Variants in DPP4 observed in about 807,000 individuals in gnomAD.
DPP4 encodes ADCP-2.
In DPP4, 93 loss-of-function variants were observed where a neutral mutation model predicts 122.4. That is an observed-to-expected ratio of 0.76 (90% CI 0.64 to 0.90). DPP4 has a LOEUF of 0.90. DPP4 is among the 40% of genes least tolerant of loss of function. The pLI, the probability that DPP4 is intolerant of heterozygous loss-of-function variation, is 0.00. For synonymous variants in DPP4, 321 were observed against 302.9 expected (o/e 1.06, Z -0.62); for missense variants, 914 against 907.3 (o/e 1.01, Z -0.09).
rs757432638 is a variant in DPP4 at position 162,014,428 on chromosome 2, A to G, written c.1605T>C (p.Asp535=). The G allele has an allele frequency of 1.9e-6, 3 of 1,609,000 alleles. No homozygotes were observed. Among genetic ancestry groups the G allele is most frequent in the African/African-American group, 2.7e-5 (2 of 74,740 alleles). The change falls in exon 19 of 26, where the codon GAT becomes GAC. Residue 535 remains aspartate, a synonymous_variant. Transcript: ENST00000360534. ...ATAGTAGAGGATATTTCTTGGATTTATCAAAATGAGGAGGCAAGATCATCT... is the reference window on the plus strand; with the variant it reads ...ATAGTAGAGGATATTTCTTGGATTTGTCAAAATGAGGAGGCAAGATCATCT... The part of the protein sequence containing the change: ...WYQMILPPHF[D]KSKKYPLLLD...
intron 2 of DPP4, among the ~76,000 whole-genome samples, chr2:162,057,693 T>C (rs1320104030): frequency 6.6e-6 from 1 of 152,222 alleles, no homozygotes; most frequent in Non-Finnish European, 1.5e-5. Context: ...TTACACTTTC[T>C]CAGTTACCTC....
In DPP4 at chr2:162,011,981, T is replaced by C; in HGVS notation, c.1644A>G (p.Ala548=). 6.2e-7 allele frequency: 1 copy of C among 1,610,722 alleles called. No homozygotes were observed. The highest frequency in any genetic ancestry group is 8.5e-7 in the Non-Finnish European group (1 of 1,178,212). The change falls in exon 20 of 26, where the codon GCA becomes GCG. Residue 548 remains alanine (A), a synonymous_variant. Transcript: ENST00000360534. ...TGTCTGCTTTTTGACTACATGGGCC[T>C]GCATACCTATGAAAAATACCAAATT... ...KKYPLLLDVY[A]GPCSQKADTV... is the part of the protein sequence containing the mutation.
chr2:162,046,980 T>C lies in DPP4; in HGVS notation c.220A>G (p.Asn74Asp). 1 of 1,596,392 alleles carries C rather than the reference T, an allele frequency of 6.3e-7. No individual in the cohort carries two copies. The highest frequency in any genetic ancestry group is 8.6e-7 in the Non-Finnish European group (1 of 1,164,580). Residue 74 changes from asparagine (N) to aspartate (D), a missense_variant, in exon 4 of 26, where the codon AAT becomes GAT. Transcript: ENST00000360534. ...TCAGCATTGAATACCAAGATATTATTTTCTTGTTTGTAGAGATATTCATGA... is the reference window on the plus strand; with the variant it reads ...TCAGCATTGAATACCAAGATATTATCTTCTTGTTTGTAGAGATATTCATGA... ...SDHEYLYKQE[N>D]NILVFNAEYG...
At chr2:162,053,365 G>A (rs906350863) in intron 2 of DPP4, among the ~76,000 whole-genome samples, 18 of 152,154 alleles carry the variant, frequency 1.2e-4, no homozygotes, top group Non-Finnish European at 1.6e-4. Flanking sequence ...GTTTCCCTGG[G>A]CCACGTGAGA....
chr2:162,050,304 T>C (rs922135406), intron 2 of DPP4, among the ~76,000 whole-genome samples: 5 of 152,232 alleles, frequency 3.3e-5, no homozygotes, highest in African/African-American at 9.6e-5. Flanking sequence ...ATTTGAAATA[T>C]AGATGGTTAT....
In DPP4 at chr2:162,038,350, C is replaced by A; in HGVS notation, c.565G>T (p.Gly189Trp). ...CCATTATATATTATATCTTCTTTCC[C>A]CGTCCATGTGATTCTGTAACTTGGT... ...NLPSYRITWTGKEDIIYNGIT... is the reference protein window; with the variant it reads ...NLPSYRITWTWKEDIIYNGIT... The change falls in exon 8 of 26, where the codon GGG (glycine) becomes TGG (tryptophan). Residue 189 changes from glycine to tryptophan, a missense_variant. Gly to Trp is a radical substitution (Grantham distance 184). Transcript: ENST00000360534. The A allele has an allele frequency of 6.2e-7, 1 of 1,607,750 alleles. No individual in the cohort carries two copies. The highest frequency in any genetic ancestry group is 8.5e-7 in the Non-Finnish European group (1 of 1,176,440).
intron 23 of DPP4, among the ~76,000 whole-genome samples, 172 bp from the exon 24 acceptor site, chr2:161,995,544 G>A (rs1338098335): frequency 6.6e-6 from 1 of 152,172 alleles, no homozygotes; most frequent in Non-Finnish European, 1.5e-5. Context: ...TGCACAGCAT[G>A]CCCTGTGCCT....
intron 2 of DPP4, among the ~76,000 whole-genome samples, chr2:162,049,522 G>T (rs2106138427): frequency 6.6e-6 from 1 of 152,224 alleles, no homozygotes; most frequent in East Asian, 1.9e-4. Context: ...AGGAAGAATA[G>T]CTAACAGACT....
intron 18 of DPP4, 121 bp from the exon 19 acceptor site, chr2:162,014,586 A>C: frequency 1.5e-6 from 1 of 680,840 alleles, no homozygotes; most frequent in South Asian, 2.0e-5. Context: ...ATGAGAGTAG[A>C]AAAGGAAAAT....
chr2:162,064,409 C>T (rs1186410530), intron 2 of DPP4, among the ~76,000 whole-genome samples: 1 of 151,950 alleles, frequency 6.6e-6, no homozygotes, highest in Non-Finnish European at 1.5e-5. Context: ...TTTTTTTGCC[C>T]ATGTTAGATT....
chr2:162,034,274 A>G (rs999534644), intron 9 of DPP4, among the ~76,000 whole-genome samples: 1 of 152,212 alleles, frequency 6.6e-6, no homozygotes, highest in Non-Finnish European at 1.5e-5. Flanking sequence ...TAGAAATAAT[A>G]TGATATTTTT....
intron 3 of DPP4, 112 bp downstream of exon 3, chr2:162,047,291 T>G: frequency 1.7e-6 from 1 of 597,404 alleles, no homozygotes; most frequent in Non-Finnish European, 2.8e-6. Flanking sequence ...AAACTCTCTA[T>G]AGAATTTTTA....
At position 162,018,767 on chromosome 2, in the gene DPP4, A is replaced by C; in HGVS notation, c.1382T>G (p.Phe461Cys). Residue 461 changes from phenylalanine (F) to cysteine (C), a missense_variant, in exon 16 of 26, where the codon TTC becomes TGC. Phe to Cys is a radical substitution (Grantham distance 205). Coordinates refer to ENST00000360534, the MANE Select transcript of DPP4 (RefSeq NM_001935.4). ...CTGATAATACTTCGCCTCTTTACTG[A>C]ATGACACAGAATAGTACTGACACCT... The part of the protein sequence containing the change: ...PERCQYYSVS[F>C]SKEAKYYQLR... 6.2e-7 allele frequency: 1 copy of C among 1,614,154 alleles called. No individual in the cohort carries two copies. Among genetic ancestry groups the C allele is most frequent in the Non-Finnish European group, 8.5e-7 (1 of 1,180,022 alleles).
chr2:162,047,988 T>A (rs1488958924), intron 2 of DPP4, among the ~76,000 whole-genome samples: 2 of 152,150 alleles, frequency 1.3e-5, no homozygotes, highest in African/African-American at 4.8e-5. Context: ...ACAGCATATC[T>A]CAATTTGACT....
intron 2 of DPP4, among the ~76,000 whole-genome samples, chr2:162,065,669 G>A (rs1401045467): frequency 1.3e-5 from 2 of 152,148 alleles, no homozygotes; most frequent in African/African-American, 2.4e-5. Context: ...AGCCAGTTTG[G>A]GGGCTGAAGG....
Position 162,003,395 on chromosome 2 carries a change from C to T in DPP4, c.2052+2350G>A, listed in dbSNP as rs183781723. Among the ~76,000 whole-genome samples the T allele has an allele frequency of 4.2e-4, 64 of 152,176 alleles. No individual in the cohort carries two copies. The East Asian group carries it at 0.011, about 27-fold the overall frequency. ...AAATGGCAGACTACAACTAATTATC[C>T]TATCTCATTATATAGGGAGGGCTGG... On this transcript the variant is annotated intron_variant, in intron 23 of 25. Coordinates refer to ENST00000360534, the MANE Select transcript of DPP4 (RefSeq NM_001935.4).
intron 2 of DPP4, among the ~76,000 whole-genome samples, chr2:162,053,700 C>G (rs1684465249): frequency 6.6e-6 from 1 of 152,232 alleles, no homozygotes; most frequent in South Asian, 2.1e-4. Context: ...AGCTGCCACT[C>G]TAGCATGTAT....
At chr2:162,030,702 T>A (rs1683516472) in intron 10 of DPP4, among the ~76,000 whole-genome samples, 2 of 152,256 alleles carry the variant, frequency 1.3e-5, no homozygotes. Context: ...ACCGCAACCT[T>A]ACCAGTGTTA....
intron 1 of DPP4, 180 bp from the exon 2 acceptor site, chr2:162,073,666 G>T: frequency 2.9e-6 from 2 of 680,828 alleles, no homozygotes; most frequent in South Asian, 1.8e-5. Context: ...TCTCTAAGGC[G>T]GGTGCCCTTG....
Sources: gnomAD v4.1 joint callset for allele counts (sites outside exome capture counted in the v4.1 genomes callset) on GRCh38, gnomAD v4.1.1 for gene constraint, MANE v1.5 for transcripts, NCBI Gene and HGNC (gene_info 2026-07-23, HGNC 2026-07-21) for gene names.